RIMBP2: variants seen among roughly 807,000 people sequenced by gnomAD.
The protein encoded by RIMBP2 is RIMS-binding protein 2.
RIMBP2 carries 48 observed loss-of-function variants against 118.6 expected under a neutral mutation model. That is an observed-to-expected ratio of 0.40 (90% CI 0.32 to 0.51). The LOEUF (loss-of-function observed/expected upper bound fraction) is 0.51. Among genes scored for constraint, RIMBP2 ranks in the 20% least tolerant of loss-of-function variants. The pLI, the probability that RIMBP2 is intolerant of heterozygous loss-of-function variation, is 0.41. For missense variants in RIMBP2, 1,551 were observed against 1,768.3 expected, an observed-to-expected ratio of 0.88 and a Z score of 2.20; for synonymous variants, 762 against 742.9, an observed-to-expected ratio of 1.03 and a Z score of -0.42.
intron 1 of RIMBP2, among the ~76,000 whole-genome samples, chr12:130,664,465 A>ACACACACATGCATGCACACACACACATG (rs74195662): frequency 1.6e-5 from 2 of 122,628 alleles, no homozygotes; most frequent in Admixed American, 8.5e-5. Context: ...ATGCACGCAC[A>ACACACACATGCATGCACACACACACATG]CACACGCACG....
At chr12:130,544,935 G>C (rs974044215) in intron 2 of RIMBP2, among the ~76,000 whole-genome samples, 1 of 152,162 alleles carries the variant, frequency 6.6e-6, no homozygotes, top group Non-Finnish European at 1.5e-5. Context: ...CTGTAGCACA[G>C]TGCATCAGCT....
intron 11 of RIMBP2, among the ~76,000 whole-genome samples, chr12:130,441,221 T>C (rs539999256): frequency 6.6e-6 from 1 of 151,942 alleles, no homozygotes; most frequent in South Asian, 2.1e-4. Context: ...ACCAACATGG[T>C]GAAACCCTGT....
At chr12:130,524,413 T>C (rs2052533020) in intron 2 of RIMBP2, among the ~76,000 whole-genome samples, 1 of 152,020 alleles carries the variant, frequency 6.6e-6, no homozygotes, top group South Asian at 2.1e-4. Context: ...GAGCAGGGGA[T>C]ACACCTCATG....
chr12:130,701,518 C>T (rs1180920773), intron 1 of RIMBP2, among the ~76,000 whole-genome samples: 1 of 152,100 alleles, frequency 6.6e-6, no homozygotes, highest in Non-Finnish European at 1.5e-5. Flanking sequence ...CCAGGGGAGC[C>T]GGGCACAGGA....
chr12:130,459,867 C>A (rs188419588), intron 6 of RIMBP2, among the ~76,000 whole-genome samples: 1 of 152,186 alleles, frequency 6.6e-6, no homozygotes, highest in Admixed American at 6.5e-5. Flanking sequence ...GCCACTCCCA[C>A]GCCTGTGTCC....
In RIMBP2 at chr12:130,474,934, G is replaced by A. The variant is rs536133301; in HGVS notation, c.102+3978C>T. Among the ~76,000 whole-genome samples the A allele has an allele frequency of 4.6e-5, 7 of 151,904 alleles. No homozygotes were observed. In the East Asian group the frequency reaches 5.9e-4, roughly 13 times the overall value. Reference sequence around the variant, plus strand: ...GGACTTCACTGACATGAGACGCTCCGTAAACGTCTGTTGAGTGAATGGACG... The same window carrying A: ...GGACTTCACTGACATGAGACGCTCCATAAACGTCTGTTGAGTGAATGGACG... On this transcript the variant is annotated intron_variant, in intron 5 of 22. Coordinates refer to ENST00000690449, the MANE Select transcript of RIMBP2 (RefSeq NM_001393629.1).
chr12:130,500,255 C>G (rs2049610903), intron 4 of RIMBP2, among the ~76,000 whole-genome samples: 1 of 152,130 alleles, frequency 6.6e-6, no homozygotes, highest in Admixed American at 6.5e-5. Context: ...GTCAGGAGTT[C>G]GAGACCAGCC....
chr12:130,516,073 C>A (rs189950488), intron 3 of RIMBP2, among the ~76,000 whole-genome samples: 1 of 152,238 alleles, frequency 6.6e-6, no homozygotes, highest in Admixed American at 6.5e-5. Context: ...TGAGCAAATT[C>A]CATACTGTTT....
chr12:130,610,150 G>C (rs1594026509), intron 2 of RIMBP2, among the ~76,000 whole-genome samples: 1 of 150,012 alleles, frequency 6.7e-6, no homozygotes, highest in African/African-American at 2.5e-5. Flanking sequence ...GGGAAAATGG[G>C]AAGCCTGCTC....
intron 2 of RIMBP2, among the ~76,000 whole-genome samples, chr12:130,527,659 T>C (rs1310595914): frequency 1.3e-5 from 2 of 151,828 alleles, no homozygotes; most frequent in Non-Finnish European, 2.9e-5. Context: ...ACAGACAACC[T>C]GCAGAATGGG....
Position 130,687,455 on chromosome 12 carries a change from G to A in RIMBP2, c.-352+28767C>T, listed in dbSNP as rs1033552093. Among the ~76,000 whole-genome samples, 4 of 152,302 alleles carry A rather than the reference G, an allele frequency of 2.6e-5. No individual in the cohort carries two copies. In the South Asian group the frequency reaches 8.3e-4, roughly 32 times the overall value. On this transcript the variant is annotated intron_variant, in intron 1 of 22. Transcript: ENST00000690449. ...GGTGGTGGTTTCTGCACGTTTCACT[G>A]TATAATTATTTTTATAAACTAAAGG...
At chr12:130,587,428 C>G (rs2058968256) in intron 2 of RIMBP2, among the ~76,000 whole-genome samples, 1 of 77,130 alleles carries the variant, frequency 1.3e-5, no homozygotes, top group Non-Finnish European at 2.6e-5. Context: ...TGGAACCAAC[C>G]CAAATGTCCA....
chr12:130,672,455 C>T (rs2064244328), intron 1 of RIMBP2, among the ~76,000 whole-genome samples: 1 of 152,204 alleles, frequency 6.6e-6, no homozygotes, highest in Non-Finnish European at 1.5e-5. Context: ...TGTGAGGCCT[C>T]TTTTCACTCT....
chr12:130,673,146 G>C (rs1219759763), intron 1 of RIMBP2, among the ~76,000 whole-genome samples: 2 of 152,234 alleles, frequency 1.3e-5, no homozygotes, highest in Non-Finnish European at 2.9e-5. Context: ...GGGCTAAGTT[G>C]TTAGAACATC....
chr12:130,558,146 AAAC>A (rs1348797725), intron 2 of RIMBP2, among the ~76,000 whole-genome samples: 8 of 152,194 alleles, frequency 5.3e-5, no homozygotes, highest in Admixed American at 6.5e-5. Flanking sequence ...CCCAGGAATG[AAAC>A]AACAACAAAA....
At chr12:130,549,943 A>G (rs1593758383) in intron 2 of RIMBP2, among the ~76,000 whole-genome samples, 1 of 151,610 alleles carries the variant, frequency 6.6e-6, no homozygotes, top group Non-Finnish European at 1.5e-5. Context: ...ACTGCTCTCT[A>G]CAATGTTAAA....
intron 2 of RIMBP2, among the ~76,000 whole-genome samples, chr12:130,585,119 G>C (rs2058798183): frequency 6.6e-6 from 1 of 152,020 alleles, no homozygotes; most frequent in Non-Finnish European, 1.5e-5. Context: ...CGAACTCCTG[G>C]GCTCAAGTGA....
intron 2 of RIMBP2, among the ~76,000 whole-genome samples, chr12:130,602,999 A>C (rs1379389186): frequency 6.6e-6 from 1 of 152,236 alleles, no homozygotes; most frequent in Non-Finnish European, 1.5e-5. Context: ...TCAGTGAAGC[A>C]ATACAATTTC....
intron 12 of RIMBP2, among the ~76,000 whole-genome samples, chr12:130,437,670 C>T (rs1287184877): frequency 1.3e-5 from 2 of 152,192 alleles, no homozygotes; most frequent in Non-Finnish European, 2.9e-5. Flanking sequence ...CGTGGGCTTC[C>T]GACTGCTGGG....
Sources: gnomAD v4.1 joint callset for allele counts (sites outside exome capture counted in the v4.1 genomes callset) on GRCh38, gnomAD v4.1.1 for gene constraint, MANE v1.5 for transcripts, NCBI Gene and HGNC (gene_info 2026-07-23, HGNC 2026-07-21) for gene names.